The following GAPVD1 variants were observed in gnomAD, a reference collection of about 807,000 sequenced individuals.
The protein encoded by GAPVD1 is GTPase activating protein and VPS9 domains 1, also known as GTPase-activating protein and VPS9 domain-containing protein 1.
A neutral mutation model predicts 155.5 loss-of-function variants in GAPVD1; 35 were observed. The ratio of observed to expected loss-of-function variants is 0.23; its 90% CI spans 0.17 to 0.30. The LOEUF (loss-of-function observed/expected upper bound fraction) is 0.30. GAPVD1 is among the 10% of genes least tolerant of loss of function. The pLI is 1.00. For missense variants in GAPVD1, 1,429 were observed against 1,775.7 expected, an observed-to-expected ratio of 0.80 and a Z score of 3.51; for synonymous variants, 636 against 619.7, an observed-to-expected ratio of 1.03 and a Z score of -0.39.
At chr9:125,350,534 C>A in intron 22 of GAPVD1, 130 bp downstream of exon 22, 1 of 708,922 alleles carries the variant, frequency 1.4e-6, no homozygotes. Flanking sequence ...ACATTAGTAT[C>A]ACTTAAGGGC....
chr9:125,301,989 A>C lies in GAPVD1; in HGVS notation c.192A>C (p.Glu64Asp), dbSNP rs757521429. Residue 64 changes from glutamate to aspartate, a missense_variant, in exon 5 of 28, where the codon GAA becomes GAC. Physicochemically the swap from Glu to Asp is conservative, Grantham distance 45. This residue lies in a region of GAPVD1 where 628 missense variants were observed against 733.4 expected (regional missense o/e 0.86). Transcript: ENST00000297933. Reference protein sequence around the residue: ...NLDRLIITSAEASPAECCQHA... With the variant: ...NLDRLIITSADASPAECCQHA... ...TTTTTTTTTTTTTTTTTAGTGCTGA[A>C]GCTTCCCCTGCTGAATGTTGCCAAC... 4.5e-6 allele frequency: 7 copies of C among 1,554,516 alleles called. 1 individual carries two copies. Among genetic ancestry groups the C allele is most frequent in the Non-Finnish European group, 4.3e-6 (5 of 1,156,144 alleles).
At position 125,350,859 on chromosome 9, in the gene GAPVD1, G is replaced by A; in HGVS notation, c.3556G>A (p.Ala1186Thr). 6.2e-7 allele frequency: 1 copy of A among 1,613,368 alleles called. No individual in the cohort carries two copies. The highest frequency in any genetic ancestry group is 1.1e-5 in the South Asian group (1 of 90,846). ...RTCRKLLASI[A>T]EDYRKRAPYI... ...TTGTAGGAAACTGCTGGCTTCGATT[G>A]CTGAGGACTACAGGTAATATACCCC... Residue 1186 changes from alanine to threonine, a missense_variant, in exon 23 of 28, where the codon GCT (alanine) becomes ACT (threonine). Physicochemically the swap from Ala to Thr is moderately conservative, Grantham distance 58. Around this residue, in one of 4 missense-constraint regions of GAPVD1, gnomAD observed 699 missense variants for 826.0 expected, o/e 0.85. Coordinates refer to ENST00000297933, the MANE Select transcript of GAPVD1 (RefSeq NM_001282680.3).
intron 2 of GAPVD1, among the ~76,000 whole-genome samples, chr9:125,280,410 A>G (rs1331251108): frequency 1.3e-5 from 2 of 151,152 alleles, no homozygotes; most frequent in Non-Finnish European, 3.0e-5. Context: ...AAAAAAAAAA[A>G]AAAAAAAAAA....
intron 7 of GAPVD1, 39 bp from the exon 8 acceptor site, chr9:125,307,652 A>G: frequency 6.3e-7 from 1 of 1,589,450 alleles, no homozygotes; most frequent in Non-Finnish European, 8.6e-7. Flanking sequence ...TGTATTTGAA[A>G]AAGTGATTTC....
In GAPVD1 at chr9:125,307,292, A is replaced by C. The variant is rs530159840; in HGVS notation, c.1117-121A>C. 297 of 717,430 alleles carry C rather than the reference A, an allele frequency of 4.1e-4. 6 individuals are homozygous for C. In the South Asian group the frequency reaches 7.4e-3, roughly 18 times the overall value. 44.4% of individuals were successfully genotyped at this position (717,430 alleles called of 1,614,324 possible). A position where few individuals can be genotyped will look rare whatever the true frequency, so the allele number is the denominator to read the frequency against. On this transcript the variant is annotated intron_variant, in intron 6 of 27. Transcript: ENST00000297933. The stretch of plus-strand genomic sequence containing the variant: ...TCAAAAAAAAAAAAAAAAATTCAAC[A>C]TCTTAAAAAAATATGATTTTTAAGA...
intron 6 of GAPVD1, among the ~76,000 whole-genome samples, chr9:125,307,197 G>A (rs1841987978): frequency 6.6e-6 from 1 of 151,132 alleles, no homozygotes; most frequent in South Asian, 2.1e-4. Context: ...GGGAGGAGGT[G>A]TGCAGAGGTT....
At chr9:125,339,448 T>A (rs939572772) in intron 17 of GAPVD1, among the ~76,000 whole-genome samples, 6 of 152,234 alleles carry the variant, frequency 3.9e-5, no homozygotes, top group Non-Finnish European at 5.9e-5. Flanking sequence ...TGGCAAAAGA[T>A]GTTATAGGCG....
In GAPVD1 at chr9:125,326,575, T is replaced by G. The variant is rs756747190; in HGVS notation, c.2018T>G (p.Leu673Trp). The change falls in exon 12 of 28, where the codon TTG (leucine) becomes TGG (tryptophan). Residue 673 changes from leucine to tryptophan, a missense_variant. Physicochemically the swap from Leu to Trp is moderately conservative, Grantham distance 61. Coordinates refer to ENST00000297933, the MANE Select transcript of GAPVD1 (RefSeq NM_001282680.3). ...GACCCTAATATTGATGAAGATCGCT[T>G]GCAAGAAATTGCAGGTAACTGCCAT... Reference protein sequence around the residue: ...DFDPNIDEDRLQEIAGAAAEN... With the variant: ...DFDPNIDEDRWQEIAGAAAEN... 9.3e-6 allele frequency: 15 copies of G among 1,610,420 alleles called. No individual in the cohort carries two copies. Among genetic ancestry groups the G allele is most frequent in the Non-Finnish European group, 1.3e-5 (15 of 1,177,152 alleles).
chr9:125,361,590 A>G (rs1262915426), intron 27 of GAPVD1, among the ~76,000 whole-genome samples: 1 of 151,586 alleles, frequency 6.6e-6, no homozygotes, highest in Non-Finnish European at 1.5e-5. Flanking sequence ...GGATGAATGG[A>G]TGAGGGCAGG....
At chr9:125,263,817 A>G (rs567876194) in intron 1 of GAPVD1, 6 of 1,088,050 alleles carry the variant, frequency 5.5e-6, no homozygotes, top group Admixed American at 1.7e-5. Context: ...CTGGACAGCT[A>G]TGGCGTAGGG....
intron 17 of GAPVD1, among the ~76,000 whole-genome samples, chr9:125,337,935 G>A (rs1173770393): frequency 1.3e-5 from 2 of 152,152 alleles, no homozygotes; most frequent in Non-Finnish European, 2.9e-5. Flanking sequence ...GAGTACAGTG[G>A]TGCAATCTTG....
intron 13 of GAPVD1, 141 bp from the exon 14 acceptor site, chr9:125,331,785 A>G (rs1846117385): frequency 1.4e-6 from 1 of 696,476 alleles, no homozygotes; most frequent in Non-Finnish European, 2.5e-6. Flanking sequence ...TCTAACTAGC[A>G]TTAACTAGTC....
At chr9:125,360,875 C>A in intron 27 of GAPVD1, 150 bp downstream of exon 27, 1 of 640,640 alleles carries the variant, frequency 1.6e-6, no homozygotes, top group South Asian at 1.9e-5. Flanking sequence ...AAGATTTGTT[C>A]TTTTGAGACA....
intron 4 of GAPVD1, among the ~76,000 whole-genome samples, chr9:125,300,187 T>TTA (rs1429668714): frequency 2.8e-5 from 4 of 143,164 alleles, no homozygotes; most frequent in African/African-American, 7.7e-5. Flanking sequence ...TTATTTTATT[T>TTA]TTTTTTTTTT....
At chr9:125,270,192 G>T (rs1165912982) in intron 2 of GAPVD1, among the ~76,000 whole-genome samples, 1 of 152,062 alleles carries the variant, frequency 6.6e-6, no homozygotes, top group African/African-American at 2.4e-5. Context: ...ACTTTGGGAG[G>T]CCGAGGTGGG....
chr9:125,289,548 G>A (rs1838257941), intron 2 of GAPVD1, among the ~76,000 whole-genome samples: 1 of 152,152 alleles, frequency 6.6e-6, no homozygotes, highest in South Asian at 2.1e-4. Context: ...TTTTTGGCCT[G>A]AGCAGTTGGA....
intron 17 of GAPVD1, among the ~76,000 whole-genome samples, chr9:125,339,427 T>A (rs558638601): frequency 6.6e-6 from 1 of 152,346 alleles, no homozygotes; most frequent in East Asian, 1.9e-4. Flanking sequence ...TTTGAGCATA[T>A]CTTTACTTTC....
At chr9:125,335,389 A>T (rs537646749) in intron 15 of GAPVD1, 473 of 405,442 alleles carry the variant, frequency 1.2e-3, no homozygotes, top group Non-Finnish European at 1.4e-3. Context: ...TTTTTTTTTA[A>T]AAATGGGGCT....
chr9:125,311,535 T>C (rs1207533005), intron 8 of GAPVD1, among the ~76,000 whole-genome samples: 1 of 152,026 alleles, frequency 6.6e-6, no homozygotes. Flanking sequence ...GCAGGAGAAT[T>C]GCTTGAACCC....
Sources: allele counts gnomAD v4.1 joint callset (sites outside exome capture counted in the v4.1 genomes callset), GRCh38; gene constraint gnomAD v4.1.1; regional missense constraint gnomAD v4.1.1; transcripts MANE v1.5; gene names NCBI Gene and HGNC (gene_info 2026-07-23, HGNC 2026-07-21).